CHL1: variants seen among roughly 807,000 people sequenced by gnomAD.
CHL1 encodes neural cell adhesion molecule L1-like protein.
Under a neutral mutation model 141.9 loss-of-function variants are expected in CHL1, and 96 were observed. The ratio of observed to expected loss-of-function variants is 0.68; its 90% CI spans 0.57 to 0.80. The LOEUF is 0.80. Ranked by LOEUF, CHL1 falls within the 30% of genes least tolerant of loss-of-function variation. CHL1 has a pLI of 0.00. For missense variants in CHL1, 1,820 were observed against 1,457.2 expected, an observed-to-expected ratio of 1.25 and a Z score of -4.05; for synonymous variants, 613 against 502.2, an observed-to-expected ratio of 1.22 and a Z score of -2.95.
Position 409,198 on chromosome 3 carries a change from A to G in CHL1, c.*3487A>G, listed in dbSNP as rs1056141464. The G allele has an allele frequency of 1.3e-5, 2 of 152,082 alleles. No individual in the cohort carries two copies. Among genetic ancestry groups the G allele is most frequent in the East Asian group, 3.9e-4 (2 of 5,190 alleles). The allele number at this position is 152,082 out of a possible 1,614,324, so 9.4% of individuals were successfully genotyped here. A position where few individuals can be genotyped will look rare whatever the true frequency, so the allele number is the denominator to read the frequency against. On this transcript the variant is annotated 3_prime_UTR_variant, in exon 28 of 28. Coordinates refer to ENST00000256509, the MANE Select transcript of CHL1 (RefSeq NM_006614.4). Reference sequence around the variant, plus strand: ...TTTGTTTTGTACCTTAAATTGTTCGATTACGTCATCAAAAGAGATGAAAGG... The same window carrying G: ...TTTGTTTTGTACCTTAAATTGTTCGGTTACGTCATCAAAAGAGATGAAAGG...
chr3:373,531 C>G (rs1189838592), intron 15 of CHL1: 1 of 152,512 alleles, frequency 6.6e-6, no homozygotes, highest in Non-Finnish European at 1.5e-5. Flanking sequence ...TCTCCCCCAC[C>G]CAGGGAGCTT....
At chr3:242,590 C>T in intron 1 of CHL1, among the ~76,000 whole-genome samples, 1 of 138,468 alleles carries the variant, frequency 7.2e-6, no homozygotes, top group Non-Finnish European at 1.6e-5. Context: ...AGTGGGACTC[C>T]ATCTCAAAAT....
At chr3:368,399 T>C (rs1214221743) in intron 15 of CHL1, among the ~76,000 whole-genome samples, 1 of 152,216 alleles carries the variant, frequency 6.6e-6, no homozygotes, top group African/African-American at 2.4e-5. Context: ...ATGTCTTCTT[T>C]TGAGAAGTGT....
chr3:401,950 C>T lies in CHL1; in HGVS notation c.3458+252C>T, dbSNP rs75645818. The stretch of plus-strand genomic sequence containing the variant: ...GGACACTTTTCTTGAAGCTCTGTGC[C>T]TAACACAAAGAATATCTATTTGGGG... On this transcript the variant is annotated intron_variant, in intron 27 of 27. Coordinates refer to ENST00000256509, the MANE Select transcript of CHL1 (RefSeq NM_006614.4). Among the ~76,000 whole-genome samples the T allele has an allele frequency of 8.2e-3, 1,244 of 152,266 alleles. 19 individuals are homozygous for T. Among genetic ancestry groups the T allele is most frequent in the African/African-American group, 0.028 (1,160 of 41,556 alleles).
chr3:247,278 A>C (rs1693257751), intron 2 of CHL1: 1 of 151,950 alleles, frequency 6.6e-6, no homozygotes, highest in Non-Finnish European at 1.5e-5. Flanking sequence ...CCTCCTTTTT[A>C]AATGTTCTCA....
intron 2 of CHL1, among the ~76,000 whole-genome samples, chr3:250,751 G>T (rs116596138): frequency 1.4e-3 from 209 of 152,184 alleles, no homozygotes; most frequent in African/African-American, 4.8e-3. Flanking sequence ...ATATTCTCCT[G>T]TCATTATGCT....
At chr3:342,161 T>C in intron 7 of CHL1, 79 bp downstream of exon 7, 1 of 1,334,970 alleles carries the variant, frequency 7.5e-7, no homozygotes, top group East Asian at 2.4e-5. Flanking sequence ...CTGAAGCCAT[T>C]TAAAGCTGGG....
intron 1 of CHL1, among the ~76,000 whole-genome samples, chr3:210,713 C>G (rs1466136407): frequency 6.6e-6 from 1 of 152,184 alleles, no homozygotes; most frequent in African/African-American, 2.4e-5. Flanking sequence ...AATTATTAAA[C>G]CCATTGTGAT....
chr3:268,017 C>T (rs1295296342), intron 2 of CHL1, among the ~76,000 whole-genome samples: 1 of 152,130 alleles, frequency 6.6e-6, no homozygotes, highest in Admixed American at 6.6e-5. Flanking sequence ...TTCACAGCTG[C>T]TAATTTATTT....
intron 2 of CHL1, among the ~76,000 whole-genome samples, chr3:263,429 T>G (rs1012250926): frequency 6.6e-6 from 1 of 152,224 alleles, no homozygotes; most frequent in Non-Finnish European, 1.5e-5. Flanking sequence ...TTTCTTTGTA[T>G]CCTTGTGACA....
At chr3:363,447 C>T (rs1173764870) in intron 14 of CHL1, 64 bp downstream of exon 14, 10 of 1,405,462 alleles carry the variant, frequency 7.1e-6, no homozygotes, top group Middle Eastern at 1.8e-4. Flanking sequence ...CTTCATTTGC[C>T]CAAATGGAAT....
chr3:369,902 A>T (rs1003969767), intron 15 of CHL1, among the ~76,000 whole-genome samples: 1 of 152,228 alleles, frequency 6.6e-6, no homozygotes, highest in Admixed American at 6.5e-5. Flanking sequence ...AATTACATTT[A>T]TTGATCTGAA....
intron 2 of CHL1, among the ~76,000 whole-genome samples, chr3:307,110 T>C (rs927028203): frequency 6.6e-5 from 10 of 152,144 alleles, no homozygotes; most frequent in African/African-American, 1.9e-4. Context: ...CTGACCTAAT[T>C]TTTGGTCATT....
chr3:354,813 G>C, intron 11 of CHL1, 42 bp downstream of exon 11: 1 of 1,607,608 alleles, frequency 6.2e-7, no homozygotes, highest in African/African-American at 1.3e-5. Flanking sequence ...TGAAGGCCCT[G>C]GTTTGACGGG....
At chr3:319,049 A>G (rs1034032149) in intron 2 of CHL1, among the ~76,000 whole-genome samples, 1 of 151,406 alleles carries the variant, frequency 6.6e-6, no homozygotes, top group African/African-American at 2.4e-5. Flanking sequence ...AAGCAAATTA[A>G]CTCAGGACCA....
At chr3:247,620 G>C (rs185351529) in intron 2 of CHL1, 2 of 151,976 alleles carry the variant, frequency 1.3e-5, no homozygotes, top group Non-Finnish European at 2.9e-5. Flanking sequence ...TTGCCTCTCT[G>C]GATCCTGCTA....
At chr3:353,609 T>G (rs1703453173) in intron 10 of CHL1, among the ~76,000 whole-genome samples, 2 of 152,212 alleles carry the variant, frequency 1.3e-5, no homozygotes, top group Non-Finnish European at 1.5e-5. Context: ...GTTGTGTACT[T>G]TTGTTTCCTC....
At chr3:254,100 C>G (rs1023586439) in intron 2 of CHL1, among the ~76,000 whole-genome samples, 1 of 152,162 alleles carries the variant, frequency 6.6e-6, no homozygotes, top group Non-Finnish European at 1.5e-5. Context: ...TGGGATGTGT[C>G]CAGTAGCTAG....
chr3:226,468 G>T (rs1412380604), intron 1 of CHL1, among the ~76,000 whole-genome samples: 1 of 149,558 alleles, frequency 6.7e-6, no homozygotes, highest in African/African-American at 2.5e-5. Context: ...CTGAGACGGA[G>T]TTTTGCTCTG....
Sources: gnomAD v4.1 joint callset for allele counts (sites outside exome capture counted in the v4.1 genomes callset) on GRCh38, gnomAD v4.1.1 for gene constraint, MANE v1.5 for transcripts, NCBI Gene and HGNC (gene_info 2026-07-23, HGNC 2026-07-21) for gene names.